PCNX1: variants seen among roughly 807,000 people sequenced by gnomAD.
The protein encoded by PCNX1 is pecanex 1.
PCNX1 carries 78 observed loss-of-function variants against 242.2 expected under a neutral mutation model. The observed-to-expected ratio is 0.32, with a 90% CI of 0.27 to 0.39. The LOEUF (loss-of-function observed/expected upper bound fraction) is 0.39, where lower values mean the gene tolerates loss of function less well. Ranked by LOEUF, PCNX1 falls within the 10% of genes least tolerant of loss-of-function variation. The pLI is 1.00. For missense variants in PCNX1, 2,581 were observed against 2,856.5 expected (o/e 0.90, Z 2.20); for synonymous variants, 1,024 against 1,032.9 (o/e 0.99, Z 0.17).
At chr14:70,966,433 A>G (rs957348928) in intron 3 of PCNX1, among the ~76,000 whole-genome samples, 3 of 152,172 alleles carry the variant, frequency 2.0e-5, no homozygotes, top group Admixed American at 1.3e-4. Context: ...AGCTTCAATC[A>G]AGACCCTGTT....
intron 19 of PCNX1, among the ~76,000 whole-genome samples, chr14:71,038,096 CG>C (rs1381074478): frequency 2.3e-4 from 12 of 52,668 alleles, no homozygotes; most frequent in African/African-American, 9.5e-4. Context: ...AAGACTTAAA[CG>C]TTAGACCTAA....
At chr14:70,930,360 C>T (rs1013363914) in intron 1 of PCNX1, among the ~76,000 whole-genome samples, 2 of 152,112 alleles carry the variant, frequency 1.3e-5, no homozygotes, top group Non-Finnish European at 2.9e-5. Context: ...GTGACTTCTG[C>T]CCTGAGTAAT....
At chr14:71,083,710 GTTC>G (rs1358004366) in intron 28 of PCNX1, among the ~76,000 whole-genome samples, 1 of 151,954 alleles carries the variant, frequency 6.6e-6, no homozygotes, top group Admixed American at 6.6e-5. Flanking sequence ...GGTCATTTAT[GTTC>G]TTCTCTAAAC....
intron 1 of PCNX1, among the ~76,000 whole-genome samples, chr14:70,928,744 A>G (rs2056679642): frequency 6.6e-6 from 1 of 152,236 alleles, no homozygotes; most frequent in South Asian, 2.1e-4. Context: ...AAAGAATGGC[A>G]TGCAGTCTCC....
At chr14:70,955,220 G>A (rs557150590) in intron 2 of PCNX1, among the ~76,000 whole-genome samples, 1 of 152,244 alleles carries the variant, frequency 6.6e-6, no homozygotes, top group East Asian at 1.9e-4. Context: ...GAAAGATCAT[G>A]GTTTCTGTAT....
In PCNX1 at chr14:71,073,685, G is replaced by A. The variant is rs778098945; in HGVS notation, c.4993G>A (p.Glu1665Lys). ...AAFSQRWLAW[E>K]VIVTKYILEG... ...ATTTAGCCAGCGATGGCTAGCTTGG[G>A]AAGTGATAGTCACAAAGTACATTCT... The change falls in exon 27 of 36, where the codon GAA becomes AAA. Residue 1665 changes from glutamate (E) to lysine (K), a missense_variant. Transcript: ENST00000304743. 1.1e-5 allele frequency: 18 copies of A among 1,614,040 alleles called. No individual in the cohort carries two copies. Among genetic ancestry groups the A allele is most frequent in the Non-Finnish European group, 1.5e-5 (18 of 1,179,978 alleles).
At chr14:71,052,147 T>A in intron 24 of PCNX1, 135 bp downstream of exon 24, 1 of 657,594 alleles carries the variant, frequency 1.5e-6, no homozygotes, top group South Asian at 2.3e-5. Flanking sequence ...ACTTAATAAA[T>A]AGTCTTAAAA....
chr14:70,949,283 A>ACACACACGTGTATG (rs1491338768), intron 2 of PCNX1, among the ~76,000 whole-genome samples: 3 of 28,508 alleles, frequency 1.1e-4, no homozygotes, highest in African/African-American at 3.0e-4. Context: ...ACACGTGTAT[A>ACACACACGTGTATG]CACACACGTG....
chr14:71,085,551 T>C (rs2061965758), intron 28 of PCNX1: 2 of 153,324 alleles, frequency 1.3e-5, no homozygotes, highest in African/African-American at 4.8e-5. Flanking sequence ...ACCCCAGCTG[T>C]AACAGCTTTT....
intron 26 of PCNX1, among the ~76,000 whole-genome samples, chr14:71,068,131 A>G (rs1375548154): frequency 6.6e-6 from 1 of 152,048 alleles, no homozygotes; most frequent in Non-Finnish European, 1.5e-5. Flanking sequence ...GTTCGAGACC[A>G]GCCTGACCAA....
In PCNX1 at chr14:71,005,302, G is replaced by A. The variant is rs188923205; in HGVS notation, c.2630-4332G>A. On this transcript the variant is annotated intron_variant, in intron 8 of 35. Coordinates refer to ENST00000304743, the MANE Select transcript of PCNX1 (RefSeq NM_014982.3). ...AGGTATCACTTAGGCCCAGGAATTC[G>A]AGACCAGCCTGGGCAGCATAGCAAG... is the stretch of plus-strand genomic sequence containing the variant. Among the ~76,000 whole-genome samples, 46 of 152,168 alleles carry A rather than the reference G, an allele frequency of 3.0e-4. 1 individual carries two copies. The East Asian group carries it at 7.5e-3, about 25-fold the overall frequency.
At chr14:70,922,758 CTTTTTT>C (rs200836942) in intron 1 of PCNX1, among the ~76,000 whole-genome samples, 4 of 132,330 alleles carry the variant, frequency 3.0e-5, no homozygotes, top group African/African-American at 1.1e-4. Context: ...AGGTCATTAC[CTTTTTT>C]TTTTTTTTTT....
chr14:71,081,506 T>C (rs1244699228), intron 28 of PCNX1, among the ~76,000 whole-genome samples: 1 of 152,198 alleles, frequency 6.6e-6, no homozygotes, highest in Non-Finnish European at 1.5e-5. Context: ...CCCGGGCTTT[T>C]TTTGGTTGGT....
chr14:70,908,186 A>G (rs1410836523), intron 1 of PCNX1, among the ~76,000 whole-genome samples, 183 bp downstream of exon 1: 1 of 151,488 alleles, frequency 6.6e-6, no homozygotes, highest in Non-Finnish European at 1.5e-5. Context: ...CTGGTTTCGG[A>G]GGTGACACGA....
chr14:71,109,831 G>A lies in PCNX1; in HGVS notation c.6922G>A (p.Gly2308Ser), dbSNP rs1391394202. Residue 2308 changes from glycine to serine, a missense_variant, in exon 36 of 36, where the codon GGT becomes AGT. Gly to Ser is a moderately conservative substitution (Grantham distance 56, BLOSUM62 0). This residue lies in a region of PCNX1 where 432 missense variants were observed against 433.6 expected (regional missense o/e 1.00). Transcript: ENST00000304743. ...HRWVPCSRDP[G>S]TRSHIDKAVL... ...ATGGGTGCCTTGCAGCAGAGATCCA[G>A]GTACCAGATCCCACATCGACAAGGC... 6 of 1,613,374 alleles carry A rather than the reference G, an allele frequency of 3.7e-6. No individual in the cohort carries two copies. In the African/African-American group the frequency reaches 6.7e-5, roughly 18 times the overall value.
intron 21 of PCNX1, among the ~76,000 whole-genome samples, chr14:71,047,508 G>A (rs946704900): frequency 6.6e-6 from 1 of 151,934 alleles, no homozygotes; most frequent in Admixed American, 6.6e-5. Flanking sequence ...AAATGCAGTT[G>A]GTGTTAAAGT....
intron 1 of PCNX1, among the ~76,000 whole-genome samples, chr14:70,941,209 G>A (rs796842811): frequency 2.6e-5 from 4 of 152,328 alleles, no homozygotes; most frequent in African/African-American, 9.6e-5. Flanking sequence ...GAGGCACTCT[G>A]ATTTTTAGAA....
At chr14:70,917,937 C>A (rs1043857251) in intron 1 of PCNX1, among the ~76,000 whole-genome samples, 2 of 152,218 alleles carry the variant, frequency 1.3e-5, no homozygotes, top group Admixed American at 1.3e-4. Context: ...TCTACATCGG[C>A]ACTTGTTGCT....
At chr14:70,999,508 A>G (rs1359687181) in intron 8 of PCNX1, among the ~76,000 whole-genome samples, 2 of 152,230 alleles carry the variant, frequency 1.3e-5, no homozygotes, top group Non-Finnish European at 2.9e-5. Context: ...AAGCATGTAT[A>G]TATCATGAGT....
Sources: allele counts gnomAD v4.1 joint callset (sites outside exome capture counted in the v4.1 genomes callset), GRCh38; gene constraint gnomAD v4.1.1; regional missense constraint gnomAD v4.1.1; transcripts MANE v1.5; gene names NCBI Gene and HGNC (gene_info 2026-07-23, HGNC 2026-07-21).